Variants in PAFAH1B1 observed in about 807,000 individuals in gnomAD.
PAFAH1B1 encodes the protein platelet activating factor acetylhydrolase 1b regulatory subunit 1.
In PAFAH1B1, 2 loss-of-function variants were observed where a neutral mutation model predicts 57.5. The observed-to-expected ratio is 0.03, with a 90% CI of 0.01 to 0.11. The LOEUF is 0.11. Among genes scored for constraint, PAFAH1B1 ranks in the 10% least tolerant of loss-of-function variants. PAFAH1B1 has a pLI of 1.00. For missense variants in PAFAH1B1, 257 were observed against 512.0 expected, an observed-to-expected ratio of 0.50 and a Z score of 4.81; for synonymous variants, 152 against 169.6, an observed-to-expected ratio of 0.90 and a Z score of 0.81.
intron 1 of PAFAH1B1, among the ~76,000 whole-genome samples, chr17:2,636,434 C>T (rs2068625498): frequency 6.6e-6 from 1 of 152,188 alleles, no homozygotes; most frequent in Non-Finnish European, 1.5e-5. Flanking sequence ...CACTTTTTCA[C>T]TCAGGGCTCA....
chr17:2,656,651 T>G (rs1454042611), intron 2 of PAFAH1B1, among the ~76,000 whole-genome samples: 1 of 152,206 alleles, frequency 6.6e-6, no homozygotes, highest in Non-Finnish European at 1.5e-5. Flanking sequence ...GGAAGCTATA[T>G]TTAATCAGAT....
chr17:2,665,532 C>G, intron 3 of PAFAH1B1, 76 bp downstream of exon 3: 1 of 862,590 alleles, frequency 1.2e-6, no homozygotes, highest in Non-Finnish European at 2.0e-6. Context: ...TTAACAGTTA[C>G]GCACAATTTT....
intron 1 of PAFAH1B1, among the ~76,000 whole-genome samples, chr17:2,603,832 C>G (rs923252084): frequency 6.6e-6 from 1 of 151,702 alleles, no homozygotes; most frequent in East Asian, 1.9e-4. Context: ...CCTCCACCTC[C>G]CAGGTTCGAG....
At position 2,652,275 on chromosome 17, in the gene PAFAH1B1, C is replaced by T. The variant is rs187714293; in HGVS notation, c.33-13097C>T. Among the ~76,000 whole-genome samples, 1,303 of 151,836 alleles carry T rather than the reference C, an allele frequency of 8.6e-3. 14 individuals are homozygous for T. Among genetic ancestry groups the T allele is most frequent in the African/African-American group, 0.03 (1,230 of 41,272 alleles). ...AATACAAAAAAAAAAATTGGCCGGG[C>T]GTGGTGGCGGGTGCCTGTAGTCCCA... On this transcript the variant is annotated intron_variant, in intron 2 of 10. Coordinates refer to ENST00000397195, the MANE Select transcript of PAFAH1B1 (RefSeq NM_000430.4).
intron 2 of PAFAH1B1, among the ~76,000 whole-genome samples, chr17:2,664,665 G>GCGCCCT: frequency 2.3e-5 from 2 of 86,028 alleles, no homozygotes; most frequent in Non-Finnish European, 5.3e-5. Context: ...TCTATCTATC[G>GCGCCCT]CTCTCTCTCT....
At chr17:2,671,973 A>G (rs1421797466) in intron 6 of PAFAH1B1, among the ~76,000 whole-genome samples, 1 of 152,056 alleles carries the variant, frequency 6.6e-6, no homozygotes, top group Non-Finnish European at 1.5e-5. Flanking sequence ...ATATCTTAGA[A>G]TATCAACCTA....
At chr17:2,605,458 A>G (rs887140611) in intron 1 of PAFAH1B1, among the ~76,000 whole-genome samples, 4 of 152,210 alleles carry the variant, frequency 2.6e-5, no homozygotes, top group South Asian at 2.1e-4. Context: ...TGGCAAAACT[A>G]TGGTACTGAA....
rs184076122 is a variant in PAFAH1B1 at position 2,603,656 on chromosome 17, C to T, written c.-191+9650C>T. On this transcript the variant is annotated intron_variant, in intron 1 of 10. Coordinates refer to ENST00000397195, the MANE Select transcript of PAFAH1B1 (RefSeq NM_000430.4). Reference sequence around the variant, plus strand: ...AAAAAAGTATGTATATATGTATACACACACACATTTTTGTTTTTATTCAAT... The same window carrying T: ...AAAAAAGTATGTATATATGTATACATACACACATTTTTGTTTTTATTCAAT... Among the ~76,000 whole-genome samples the T allele has an allele frequency of 5.1e-3, 769 of 151,534 alleles. 2 individuals are homozygous for T. Among genetic ancestry groups the T allele is most frequent in the Non-Finnish European group, 8.2e-3 (555 of 67,906 alleles).
intron 2 of PAFAH1B1, among the ~76,000 whole-genome samples, chr17:2,649,751 CTTAAAAATCA>C (rs1027229046): frequency 1.3e-5 from 2 of 152,022 alleles, no homozygotes; most frequent in Non-Finnish European, 2.9e-5. Flanking sequence ...CCAGCTTGAT[CTTAAAAATCA>C]TTTGGAAGAG....
intron 1 of PAFAH1B1, among the ~76,000 whole-genome samples, chr17:2,617,003 G>A (rs1383774691): frequency 6.6e-6 from 1 of 152,172 alleles, no homozygotes; most frequent in East Asian, 1.9e-4. Context: ...AACCCGGGAG[G>A]CAGAGGTTGC....
chr17:2,618,481 T>TA (rs2068376052), intron 1 of PAFAH1B1, among the ~76,000 whole-genome samples: 1 of 152,150 alleles, frequency 6.6e-6, no homozygotes, highest in Admixed American at 6.5e-5. Flanking sequence ...AAGTTACTCT[T>TA]ACGGAGTATT....
chr17:2,625,933 AC>A (rs962632725), intron 1 of PAFAH1B1, among the ~76,000 whole-genome samples: 3 of 151,904 alleles, frequency 2.0e-5, no homozygotes, highest in African/African-American at 7.3e-5. Context: ...CAGAGTGAGG[AC>A]CCTGTCTCAA....
chr17:2,623,569 T>G (rs575819064), intron 1 of PAFAH1B1, among the ~76,000 whole-genome samples: 1 of 148,484 alleles, frequency 6.7e-6, no homozygotes, highest in South Asian at 2.1e-4. Flanking sequence ...AAAAATGTTG[T>G]TTTTTTTTCT....
chr17:2,622,234 G>A (rs115234065), intron 1 of PAFAH1B1, among the ~76,000 whole-genome samples: 3,541 of 152,122 alleles, frequency 0.023, 138 homozygotes, highest in African/African-American at 0.081. Flanking sequence ...TGCCTTCCCA[G>A]CAGTCCTGCA....
intron 1 of PAFAH1B1, among the ~76,000 whole-genome samples, chr17:2,630,128 T>C (rs2068537131): frequency 6.6e-6 from 1 of 152,210 alleles, no homozygotes; most frequent in Non-Finnish European, 1.5e-5. Flanking sequence ...TTCATCATGC[T>C]CTTTGTTGCC....
At chr17:2,655,754 T>TA (rs2068928112) in intron 2 of PAFAH1B1, among the ~76,000 whole-genome samples, 1 of 151,820 alleles carries the variant, frequency 6.6e-6, no homozygotes, top group Admixed American at 6.6e-5. Context: ...CCAGCCTTGT[T>TA]ACAATGTCGT....
chr17:2,611,872 G>A (rs939329596), intron 1 of PAFAH1B1, among the ~76,000 whole-genome samples: 1 of 152,134 alleles, frequency 6.6e-6, no homozygotes. Context: ...TGGTAAATAC[G>A]TGTATGTATG....
chr17:2,626,921 C>T (rs2068501492), intron 1 of PAFAH1B1, among the ~76,000 whole-genome samples: 1 of 152,032 alleles, frequency 6.6e-6, no homozygotes, highest in Non-Finnish European at 1.5e-5. Flanking sequence ...ATGTCCTTAG[C>T]CAACTTTTTG....
chr17:2,617,766 A>G (rs540616654), intron 1 of PAFAH1B1, among the ~76,000 whole-genome samples: 155 of 152,146 alleles, frequency 1.0e-3, no homozygotes, highest in Middle Eastern at 3.4e-3. Context: ...CTAAAAATGC[A>G]GCATTTAGCC....
Sources: allele counts gnomAD v4.1 joint callset (sites outside exome capture counted in the v4.1 genomes callset), GRCh38; gene constraint gnomAD v4.1.1; transcripts MANE v1.5; gene names NCBI Gene and HGNC (gene_info 2026-07-23, HGNC 2026-07-21).